CD53: variants seen among roughly 807,000 people sequenced by gnomAD.
CD53 encodes the protein leukocyte surface antigen CD53.
In CD53, 20 loss-of-function variants were observed where a neutral mutation model predicts 27.3. The ratio of observed to expected loss-of-function variants is 0.73; its 90% CI spans 0.52 to 1.07. The LOEUF is 1.07. CD53 is among the 50% of genes least tolerant of loss of function. CD53 has a pLI of 0.00. For missense variants in CD53, 216 were observed against 264.0 expected (o/e 0.82, Z 1.26); for synonymous variants, 106 against 105.3 (o/e 1.01, Z -0.04).
rs538958620 is a variant in CD53 at position 110,891,320 on chromosome 1, A to C, written c.-17-72A>C. 3 of 1,038,246 alleles carry C rather than the reference A, an allele frequency of 2.9e-6. No individual in the cohort carries two copies. The African/African-American group carries it at 4.7e-5, about 16-fold the overall frequency. 64.3% of individuals were successfully genotyped at this position (1,038,246 alleles called of 1,614,324 possible). A position where few individuals can be genotyped will look rare whatever the true frequency, so the allele number is the denominator to read the frequency against. Reference sequence around the variant, plus strand: ...CCAAGGTAATGCTAGAGATCCCTGAACATTTGTGCACTCTGATCTCTGGCT... The same window carrying C: ...CCAAGGTAATGCTAGAGATCCCTGACCATTTGTGCACTCTGATCTCTGGCT... On this transcript the variant is annotated intron_variant, in intron 1 of 7. Coordinates refer to ENST00000271324, the MANE Select transcript of CD53 (RefSeq NM_000560.4).
chr1:110,888,283 G>A (rs934400402), intron 1 of CD53, among the ~76,000 whole-genome samples: 6 of 152,190 alleles, frequency 3.9e-5, no homozygotes, highest in African/African-American at 7.2e-5. Flanking sequence ...CACCCGCTGC[G>A]AATCTCTGGG....
At chr1:110,897,377 C>T (rs1657112606) in intron 6 of CD53, among the ~76,000 whole-genome samples, 1 of 152,218 alleles carries the variant, frequency 6.6e-6, no homozygotes, top group African/African-American at 2.4e-5. Context: ...CTAGGACAAC[C>T]ACTGACCAGC....
In CD53 at chr1:110,892,345, AT is replaced by A; in HGVS notation, c.65del (p.Ile22ThrfsTer14). 6.2e-7 allele frequency: 1 copy of A among 1,613,498 alleles called. No individual in the cohort carries two copies. The highest frequency in any genetic ancestry group is 1.6e-4 in the Middle Eastern group (1 of 6,062). On this transcript the variant is annotated frameshift_variant and splice_region_variant, in exon 3 of 8. Transcript: ENST00000271324. LOFTEE classifies it high-confidence loss of function. ...VLFFFNLLFW[I>X]CGCCILGFGI... Reference sequence around the variant, plus strand: ...GATGTTGTGGGATTCTTCCTTTCAGATCTGTGGCTGCTGCATTTTGGGCTTT... The same window carrying A: ...GATGTTGTGGGATTCTTCCTTTCAGACTGTGGCTGCTGCATTTTGGGCTTT...
At chr1:110,886,869 A>ATATTTTTTTT (rs1298376721) in intron 1 of CD53, among the ~76,000 whole-genome samples, 5 of 82,780 alleles carry the variant, frequency 6.0e-5, no homozygotes, top group South Asian at 8.5e-4. Flanking sequence ...ATATATATAT[A>ATATTTTTTTT]TTTTTTTTTT....
chr1:110,884,235 T>C (rs768030490), intron 1 of CD53, among the ~76,000 whole-genome samples: 14 of 152,152 alleles, frequency 9.2e-5, no homozygotes, highest in Non-Finnish European at 1.8e-4. Context: ...TTCAGAATTC[T>C]AATTTTCTCT....
chr1:110,885,884 G>A (rs4839084), intron 1 of CD53, among the ~76,000 whole-genome samples: 109,590 of 152,008 alleles, frequency 0.72, 41,701 homozygotes, highest in Non-Finnish European at 0.84. Context: ...AAATAAAAAT[G>A]AATTAAAGAG....
At chr1:110,889,276 G>A (rs1177642559) in intron 1 of CD53, among the ~76,000 whole-genome samples, 2 of 152,018 alleles carry the variant, frequency 1.3e-5, no homozygotes, top group African/African-American at 4.8e-5. Context: ...TCAATAATTG[G>A]CCGGGTGTGG....
chr1:110,889,353 G>A (rs766553324), intron 1 of CD53, among the ~76,000 whole-genome samples: 50 of 151,846 alleles, frequency 3.3e-4, no homozygotes, highest in Middle Eastern at 3.4e-3. Flanking sequence ...TCAGGAGTTC[G>A]AGATCAGCCT....
chr1:110,895,237 T>A (rs1329294579), intron 5 of CD53, among the ~76,000 whole-genome samples, 182 bp downstream of exon 5: 1 of 152,214 alleles, frequency 6.6e-6, no homozygotes, highest in Non-Finnish European at 1.5e-5. Flanking sequence ...AGTACAAAGT[T>A]CTCTACATTC....
chr1:110,899,368 T>G lies in CD53; in HGVS notation c.*173T>G, dbSNP rs1279297940. ...GGGTGTTGGCCAGGCACATCCCATC[T>G]CAGGCAGCAAGACAATCTTTCACTC... On this transcript the variant is annotated 3_prime_UTR_variant, in exon 8 of 8. Coordinates refer to ENST00000271324, the MANE Select transcript of CD53 (RefSeq NM_000560.4). 1 of 545,768 alleles carries G rather than the reference T, an allele frequency of 1.8e-6. No homozygotes were observed. The highest frequency in any genetic ancestry group is 1.9e-5 in the African/African-American group (1 of 51,700). The allele number at this position is 545,768 out of a possible 1,614,324, so 33.8% of individuals were successfully genotyped here.
At chr1:110,897,430 T>G (rs764825937) in intron 6 of CD53, among the ~76,000 whole-genome samples, 2 of 152,230 alleles carry the variant, frequency 1.3e-5, no homozygotes, top group South Asian at 4.1e-4. Flanking sequence ...ATTTACTGAA[T>G]GTTGAAGCAG....
chr1:110,891,566 C>A, intron 2 of CD53, 95 bp downstream of exon 2: 1 of 920,672 alleles, frequency 1.1e-6, no homozygotes, highest in Non-Finnish European at 1.8e-6. Flanking sequence ...GGGTAAAATG[C>A]ATGCGTGTTT....
At chr1:110,887,431 C>T (rs1352639943) in intron 1 of CD53, among the ~76,000 whole-genome samples, 1 of 152,166 alleles carries the variant, frequency 6.6e-6, no homozygotes, top group Non-Finnish European at 1.5e-5. Flanking sequence ...TGGTTTTCAT[C>T]TATCGCCATA....
intron 5 of CD53, 43 bp downstream of exon 5, chr1:110,895,098 T>C: frequency 1.4e-6 from 2 of 1,413,284 alleles, no homozygotes; most frequent in Non-Finnish European, 2.0e-6. Context: ...CCAGACTTCA[T>C]TTTCAAGCCT....
chr1:110,874,763 C>T (rs1656061978), intron 1 of CD53, among the ~76,000 whole-genome samples: 1 of 152,154 alleles, frequency 6.6e-6, no homozygotes, highest in Non-Finnish European at 1.5e-5. Flanking sequence ...CCTAAGTGAC[C>T]TCACCTTTGT....
chr1:110,892,805 G>T, intron 3 of CD53: 1 of 344,192 alleles, frequency 2.9e-6, no homozygotes, highest in Non-Finnish European at 5.3e-6. Flanking sequence ...CCCCTTTATA[G>T]CATTTTATTT....
chr1:110,898,914 C>G (rs1429026164), intron 7 of CD53, among the ~76,000 whole-genome samples: 2 of 152,156 alleles, frequency 1.3e-5, no homozygotes, highest in Non-Finnish European at 2.9e-5. Flanking sequence ...ACTTTACAGC[C>G]TGTTATCTTG....
Position 110,894,312 on chromosome 1 carries a change from T to C in CD53, c.253-15T>C. ...TGGGGATCAGTGCTGTGAGAATGTA[T>C]CTGCTTTGTCCCAGTTCTTCATCCT... On this transcript the variant is annotated splice_polypyrimidine_tract_variant and intron_variant, in intron 3 of 7. Coordinates refer to ENST00000271324, the MANE Select transcript of CD53 (RefSeq NM_000560.4). 1 of 1,612,904 alleles carries C rather than the reference T, an allele frequency of 6.2e-7. No homozygotes were observed. The highest frequency in any genetic ancestry group is 8.5e-7 in the Non-Finnish European group (1 of 1,178,904).
intron 3 of CD53, 123 bp from the exon 4 acceptor site, chr1:110,894,203 GC>G (rs1444508706): frequency 2.0e-5 from 15 of 764,616 alleles, no homozygotes; most frequent in Admixed American, 4.2e-5. Flanking sequence ...GCTTACAACG[GC>G]CTGAGGAGGC....
Sources: gnomAD v4.1 joint callset for allele counts (sites outside exome capture counted in the v4.1 genomes callset) on GRCh38, gnomAD v4.1.1 for gene constraint, MANE v1.5 for transcripts, NCBI Gene and HGNC (gene_info 2026-07-23, HGNC 2026-07-21) for gene names.